The following MLLT3 variants were observed in gnomAD, a reference collection of about 807,000 sequenced individuals.
MLLT3 encodes MLLT3 super elongation complex subunit, also known as protein AF-9.
In MLLT3, 4 loss-of-function variants were observed where a neutral mutation model predicts 53.2. That is an observed-to-expected ratio of 0.08 (90% confidence interval 0.04 to 0.17). The LOEUF is 0.17. Among genes scored for constraint, MLLT3 ranks in the 10% least tolerant of loss-of-function variants. The pLI is 1.00. For missense variants in MLLT3, 569 were observed against 684.0 expected (o/e 0.83, Z 1.87); for synonymous variants, 283 against 230.6 (o/e 1.23, Z -2.06).
At chr9:20,452,692 G>A (rs1190501311) in intron 3 of MLLT3, among the ~76,000 whole-genome samples, 2 of 152,130 alleles carry the variant, frequency 1.3e-5, no homozygotes, top group Non-Finnish European at 2.9e-5. Flanking sequence ...GATCATTTCA[G>A]TAACATGAAA....
chr9:20,418,744 C>A (rs1822936742), intron 4 of MLLT3, among the ~76,000 whole-genome samples: 1 of 152,114 alleles, frequency 6.6e-6, no homozygotes, highest in Non-Finnish European at 1.5e-5. Flanking sequence ...GGACTCCCAA[C>A]AAACTGGGAC....
At chr9:20,542,946 T>C (rs903036586) in intron 2 of MLLT3, among the ~76,000 whole-genome samples, 2 of 152,228 alleles carry the variant, frequency 1.3e-5, no homozygotes, top group Non-Finnish European at 2.9e-5. Context: ...CACCTTGCAC[T>C]TTCATATTAT....
chr9:20,621,902 CGTGT>C lies in MLLT3; in HGVS notation c.12+339_12+342del, dbSNP rs142328824. On this transcript the variant is annotated intron_variant, in intron 1 of 10. Coordinates refer to ENST00000380338, the MANE Select transcript of MLLT3 (RefSeq NM_004529.4). This position sits in a 1 kb window ranked among gnomAD's most constrained non-coding sequence, Gnocchi z 7.0. Reference sequence around the variant, plus strand: ...TGAGTTATTATTCGCCTCCTTCCACCGTGTGTGTGTGTGTGTGTGAGTGCGCGCG... The same window carrying C: ...TGAGTTATTATTCGCCTCCTTCCACCGTGTGTGTGTGTGTGAGTGCGCGCG... 2.9e-4 allele frequency: 360 copies of C among 1,230,000 alleles called. No homozygotes were observed. The highest frequency in any genetic ancestry group is 2.3e-3 in the East Asian group (69 of 30,278). 76.2% of individuals were successfully genotyped at this position (1,230,000 alleles called of 1,614,324 possible).
chr9:20,402,589 T>C (rs1822483057), intron 5 of MLLT3, among the ~76,000 whole-genome samples: 1 of 152,198 alleles, frequency 6.6e-6, no homozygotes, highest in African/African-American at 2.4e-5. Context: ...TCCATGTTTT[T>C]ATTATGAAAC....
At chr9:20,350,387 A>C (rs1027935249) in intron 10 of MLLT3, among the ~76,000 whole-genome samples, 5 of 152,054 alleles carry the variant, frequency 3.3e-5, no homozygotes, top group African/African-American at 1.2e-4. Context: ...CGAGGTCAGG[A>C]GATCAAGACC....
At chr9:20,521,706 A>C (rs942961535) in intron 2 of MLLT3, among the ~76,000 whole-genome samples, 1 of 152,208 alleles carries the variant, frequency 6.6e-6, no homozygotes, top group Non-Finnish European at 1.5e-5. Flanking sequence ...TAATGCATGA[A>C]AAAGAAAATT....
rs189330908 is a variant in MLLT3 at position 20,517,017 on chromosome 9, C to T, written c.194-60231G>A. 5.5e-4 allele frequency among the ~76,000 whole-genome samples: 83 copies of T among 152,192 alleles called. 1 individual carries two copies. The highest frequency in any genetic ancestry group is 6.8e-3 in the Middle Eastern group (2 of 294). ...TTAGCTATAGGAAATAATATACTTACGCAGTTTTTGTATTTTTTAAAAATA... is the reference window on the plus strand; with the variant it reads ...TTAGCTATAGGAAATAATATACTTATGCAGTTTTTGTATTTTTTAAAAATA... On this transcript the variant is annotated intron_variant, in intron 2 of 10. Coordinates refer to ENST00000380338, the MANE Select transcript of MLLT3 (RefSeq NM_004529.4).
At chr9:20,538,171 C>T (rs1818533833) in intron 2 of MLLT3, among the ~76,000 whole-genome samples, 1 of 152,148 alleles carries the variant, frequency 6.6e-6, no homozygotes, top group Non-Finnish European at 1.5e-5. Context: ...CTACTATTCT[C>T]ACTTTTATTT....
chr9:20,450,752 A>G (rs1377929185), intron 3 of MLLT3, among the ~76,000 whole-genome samples: 1 of 152,194 alleles, frequency 6.6e-6, no homozygotes, highest in African/African-American at 2.4e-5. Context: ...GCATTCCTCT[A>G]TTAATGTAAT....
chr9:20,498,658 A>C (rs1297754560), intron 2 of MLLT3, among the ~76,000 whole-genome samples: 2 of 152,152 alleles, frequency 1.3e-5, no homozygotes, highest in Non-Finnish European at 2.9e-5. Flanking sequence ...TTTTTAGCTC[A>C]TCAGCTATCA....
At chr9:20,440,033 G>A in intron 4 of MLLT3, among the ~76,000 whole-genome samples, 1 of 151,900 alleles carries the variant, frequency 6.6e-6, no homozygotes, top group East Asian at 1.9e-4. Flanking sequence ...AGAAAATTAT[G>A]GTTTAACCAA....
intron 2 of MLLT3, among the ~76,000 whole-genome samples, chr9:20,556,851 A>G (rs1236953969): frequency 1.3e-5 from 2 of 152,144 alleles, no homozygotes; most frequent in East Asian, 3.8e-4. Flanking sequence ...ACTTAAGTAT[A>G]TTATGTAAAA....
intron 2 of MLLT3, among the ~76,000 whole-genome samples, chr9:20,467,694 A>G (rs575047030): frequency 4.6e-5 from 7 of 152,376 alleles, no homozygotes; most frequent in Admixed American, 4.6e-4. Context: ...TAATGCGCAA[A>G]GCATATTGCC....
chr9:20,436,079 A>G (rs1438616707), intron 4 of MLLT3, among the ~76,000 whole-genome samples: 1 of 151,682 alleles, frequency 6.6e-6, no homozygotes, highest in African/African-American at 2.4e-5. Flanking sequence ...AAGAATCACA[A>G]TACCCCATGG....
At chr9:20,416,434 G>T (rs1051865386) in intron 4 of MLLT3, among the ~76,000 whole-genome samples, 1 of 151,858 alleles carries the variant, frequency 6.6e-6, no homozygotes, top group Admixed American at 6.6e-5. Flanking sequence ...GCACCAGGAA[G>T]GAAAATAAAA....
intron 2 of MLLT3, among the ~76,000 whole-genome samples, chr9:20,474,401 C>T (rs1011380472): frequency 6.6e-6 from 1 of 152,028 alleles, no homozygotes; most frequent in Non-Finnish European, 1.5e-5. Flanking sequence ...GACTAGCTGA[C>T]CCACAATTAA....
intron 5 of MLLT3, among the ~76,000 whole-genome samples, chr9:20,378,015 G>A (rs74557368): frequency 6.6e-6 from 1 of 152,028 alleles, no homozygotes; most frequent in Non-Finnish European, 1.5e-5. Context: ...GAACTCCAAA[G>A]TTCTTTGGGT....
chr9:20,554,659 G>A (rs1028903974), intron 2 of MLLT3, among the ~76,000 whole-genome samples: 2 of 152,180 alleles, frequency 1.3e-5, no homozygotes, highest in South Asian at 2.1e-4. Flanking sequence ...ATCTGACAAG[G>A]ATACCTACTT....
intron 2 of MLLT3, among the ~76,000 whole-genome samples, chr9:20,542,399 C>T (rs13287788): frequency 1.3e-4 from 20 of 151,962 alleles, no homozygotes; most frequent in Admixed American, 3.9e-4. Flanking sequence ...TACAGGCGCC[C>T]GCCACCGCGC....
Sources: gnomAD v4.1 joint callset for allele counts (sites outside exome capture counted in the v4.1 genomes callset) on GRCh38, gnomAD v4.1.1 for gene constraint, Gnocchi (gnomAD v3.1) non-coding constraint, MANE v1.5 for transcripts, NCBI Gene and HGNC (gene_info 2026-07-23, HGNC 2026-07-21) for gene names.